The following NAV1 variants were observed in gnomAD, a reference collection of about 807,000 sequenced individuals.
The protein encoded by NAV1 is neuron navigator 1, also known as pore membrane and/or filament interacting like protein 3.
A neutral mutation model predicts 175.2 loss-of-function variants in NAV1; 18 were observed. The ratio of observed to expected loss-of-function variants is 0.10; its 90% CI spans 0.07 to 0.15. The LOEUF is 0.15. Among genes scored for constraint, NAV1 ranks in the 10% least tolerant of loss-of-function variants. NAV1 has a pLI of 1.00. For missense variants in NAV1, 1,731 were observed against 2,436.6 expected (o/e 0.71, Z 6.10); for synonymous variants, 897 against 978.7 (o/e 0.92, Z 1.56).
chr1:201,814,697 A>C (rs1678911728), intron 28 of NAV1, among the ~76,000 whole-genome samples: 1 of 152,078 alleles, frequency 6.6e-6, no homozygotes, highest in Non-Finnish European at 1.5e-5. Context: ...GTAGCTTTTC[A>C]ATTTAAAAGC....
intron 2 of NAV1, among the ~76,000 whole-genome samples, chr1:201,598,828 T>A (rs1377780217): frequency 1.3e-5 from 2 of 152,126 alleles, no homozygotes; most frequent in African/African-American, 4.8e-5. Flanking sequence ...ACCCGAGTCT[T>A]CAGTTTGGGG....
At chr1:201,620,629 G>A (rs1420106063), upstream of NAV1, among the ~76,000 whole-genome samples, 2 of 150,666 alleles carry the variant, frequency 1.3e-5, no homozygotes, top group African/African-American at 4.9e-5. Context: ...CAGCTATTTA[G>A]TGTGTGTGTG....
chr1:201,539,935 A>G lies in NAV1; in HGVS notation c.-144+593A>G, dbSNP rs1557988361. ...AGGCCGTCCTCTCTGGCGCCCGCCCAGTGCGTCTGGGAGCGGAGAAAGTGG... is the reference window on the plus strand; with the variant it reads ...AGGCCGTCCTCTCTGGCGCCCGCCCGGTGCGTCTGGGAGCGGAGAAAGTGG... On this transcript the variant is annotated intron_variant, in intron 1 of 33. Transcript: ENST00000685211. This position sits in a 1 kb window ranked among gnomAD's most constrained non-coding sequence, Gnocchi z 5.6. Among the ~76,000 whole-genome samples, 1 of 152,180 alleles carries G rather than the reference A, an allele frequency of 6.6e-6. No individual in the cohort carries two copies. Among genetic ancestry groups the G allele is most frequent in the Non-Finnish European group, 1.5e-5 (1 of 68,020 alleles).
At chr1:201,794,140 C>T in intron 14 of NAV1, 1 of 673,844 alleles carries the variant, frequency 1.5e-6, no homozygotes, top group South Asian at 1.5e-5. Context: ...TCCTGCTAAT[C>T]CCAACTAATG....
At chr1:201,763,049 T>A (rs900711239) in intron 3 of NAV1, among the ~76,000 whole-genome samples, 15 of 152,186 alleles carry the variant, frequency 9.9e-5, no homozygotes, top group Non-Finnish European at 2.2e-4. Flanking sequence ...CTTCAGGCCC[T>A]CTCCAATAAA....
Position 201,782,127 on chromosome 1 carries a change from A to T in NAV1, c.1664-49A>T. 1 of 1,489,134 alleles carries T rather than the reference A, an allele frequency of 6.7e-7. No homozygotes were observed. Among genetic ancestry groups the T allele is most frequent in the Non-Finnish European group, 9.0e-7 (1 of 1,108,306 alleles). The allele number at this position is 1,489,134 out of a possible 1,614,324, so 92.2% of individuals were successfully genotyped here. A position where few individuals can be genotyped will look rare whatever the true frequency, so the allele number is the denominator to read the frequency against. On this transcript the variant is annotated intron_variant, in intron 5 of 29. Coordinates refer to ENST00000367296, the Ensembl canonical transcript of NAV1. The surrounding 1 kb of genome is among the most constrained non-coding windows in gnomAD (Gnocchi z 5.4). ...GAGGGAAAGAAAAGGGTGGGTTTTT[A>T]AGATACTGGTCAGTTTCAGCTCTTT...
intron 1 of NAV1, among the ~76,000 whole-genome samples, chr1:201,711,110 T>C (rs1671885639): frequency 6.6e-6 from 1 of 152,234 alleles, no homozygotes; most frequent in African/African-American, 2.4e-5. Flanking sequence ...AAGGTGACAC[T>C]TGCCAGGATA....
chr1:201,695,867 G>A (rs1048930516), intron 1 of NAV1, among the ~76,000 whole-genome samples: 11 of 152,212 alleles, frequency 7.2e-5, no homozygotes, highest in Non-Finnish European at 1.5e-4. Flanking sequence ...CGGCTGCACC[G>A]CTGGTTCTGG....
At chr1:201,652,112 A>G (rs537190949) in intron 1 of NAV1, among the ~76,000 whole-genome samples, 1 of 152,144 alleles carries the variant, frequency 6.6e-6, no homozygotes, top group South Asian at 2.1e-4. Flanking sequence ...GGGGAGAAGA[A>G]TGGTGACTTG....
At chr1:201,777,915 A>G (rs1676063750) in intron 3 of NAV1, among the ~76,000 whole-genome samples, 1 of 152,148 alleles carries the variant, frequency 6.6e-6, no homozygotes, top group Admixed American at 6.5e-5. Flanking sequence ...AGCCTGGGTG[A>G]CACAGTGAGA....
chr1:201,666,032 A>C (rs1191820980), intron 1 of NAV1, among the ~76,000 whole-genome samples: 4 of 152,092 alleles, frequency 2.6e-5, no homozygotes, highest in Non-Finnish European at 5.9e-5. Flanking sequence ...GGGAGTGGGC[A>C]GCTGAAGGCC....
intron 1 of NAV1, among the ~76,000 whole-genome samples, chr1:201,709,785 T>G (rs1217310147): frequency 6.6e-6 from 1 of 152,198 alleles, no homozygotes; most frequent in African/African-American, 2.4e-5. Flanking sequence ...CCTCCTCCCC[T>G]GTATGCCCCA....
chr1:201,594,919 C>T (rs533676488), intron 2 of NAV1, among the ~76,000 whole-genome samples: 182 of 152,370 alleles, frequency 1.2e-3, no homozygotes, highest in African/African-American at 4.1e-3. Context: ...ATATTTGAAC[C>T]TTCTCTATGC....
At chr1:201,656,312 G>A (rs576314057) in intron 1 of NAV1, among the ~76,000 whole-genome samples, 1 of 152,352 alleles carries the variant, frequency 6.6e-6, no homozygotes, top group South Asian at 2.1e-4. Flanking sequence ...GTGAGTTAGA[G>A]GTGTGGAAAG....
At chr1:201,592,301 AAGAC>A (rs1667222492) in intron 2 of NAV1, among the ~76,000 whole-genome samples, 1 of 152,340 alleles carries the variant, frequency 6.6e-6, no homozygotes, top group Admixed American at 6.5e-5. Flanking sequence ...CAGAGAGGGA[AAGAC>A]AGTCCCTGCC....
chr1:201,699,323 G>C (rs987229279), intron 1 of NAV1, among the ~76,000 whole-genome samples: 3 of 152,082 alleles, frequency 2.0e-5, no homozygotes, highest in African/African-American at 7.3e-5. Context: ...CAAATCATGA[G>C]TGAACTCCCA....
intron 3 of NAV1, among the ~76,000 whole-genome samples, chr1:201,771,680 A>G (rs1165258150): frequency 3.3e-5 from 5 of 152,148 alleles, no homozygotes; most frequent in Non-Finnish European, 7.3e-5. Context: ...ATAAAATAAA[A>G]AGTTACAAGA....
At chr1:201,607,739 A>G (rs1667726352) in intron 2 of NAV1, among the ~76,000 whole-genome samples, 1 of 152,084 alleles carries the variant, frequency 6.6e-6, no homozygotes, top group Admixed American at 6.6e-5. Context: ...TGATCCACCC[A>G]CCTCGGCCTC....
intron 1 of NAV1, among the ~76,000 whole-genome samples, chr1:201,685,595 C>T (rs904673195): frequency 4.6e-5 from 7 of 152,208 alleles, no homozygotes; most frequent in African/African-American, 1.4e-4. Flanking sequence ...AACTGGGATC[C>T]GTTACCGCCT....
Sources: gnomAD v4.1 joint callset for allele counts (sites outside exome capture counted in the v4.1 genomes callset) on GRCh38, gnomAD v4.1.1 for gene constraint, Gnocchi (gnomAD v3.1) non-coding constraint, MANE v1.5 for transcripts, NCBI Gene and HGNC (gene_info 2026-07-23, HGNC 2026-07-21) for gene names.